The following RBFOX1 variants were observed in gnomAD, a reference collection of about 807,000 sequenced individuals.
RBFOX1 encodes RNA binding protein fox-1 homolog 1.
Under a neutral mutation model 57.7 loss-of-function variants are expected in RBFOX1, and 8 were observed. The observed-to-expected ratio is 0.14, with a 90% CI of 0.08 to 0.25. The LOEUF is 0.25. Among genes scored for constraint, RBFOX1 ranks in the 10% least tolerant of loss-of-function variants. RBFOX1 has a pLI of 1.00. For synonymous variants in RBFOX1, 326 were observed against 222.4 expected, an observed-to-expected ratio of 1.47 and a Z score of -4.15; for missense variants, 611 against 548.5, an observed-to-expected ratio of 1.11 and a Z score of -1.14.
intron 9 of RBFOX1, among the ~76,000 whole-genome samples, chr16:7,606,926 T>C (rs2095306204): frequency 6.6e-6 from 1 of 152,088 alleles, no homozygotes; most frequent in Non-Finnish European, 1.5e-5. Flanking sequence ...TGCAGAGGGG[T>C]GTGATGGATT....
chr16:7,234,439 T>C (rs745750147), intron 4 of RBFOX1, among the ~76,000 whole-genome samples: 3 of 151,998 alleles, frequency 2.0e-5, no homozygotes, highest in Non-Finnish European at 4.4e-5. Flanking sequence ...CAGTGCAAGA[T>C]GCCATCAATA....
At chr16:7,125,299 G>A (rs969136436) in intron 4 of RBFOX1, among the ~76,000 whole-genome samples, 4 of 152,088 alleles carry the variant, frequency 2.6e-5, no homozygotes, top group African/African-American at 2.4e-5. Context: ...TGTGCAGTGG[G>A]CATAGAAATC....
rs35050316 is a variant in RBFOX1, at chr16:7,533,416, T to TA, written c.270+15037dup. ...CACATACACACAGCCCTGCATTTTT[T>TA]AAAAAAAAAATCCTTTAAAATTGAG... On this transcript the variant is annotated intron_variant, in intron 5 of 15. Coordinates refer to ENST00000550418, the MANE Select transcript of RBFOX1 (RefSeq NM_018723.4). 4.7e-4 allele frequency among the ~76,000 whole-genome samples: 71 copies of TA among 150,892 alleles called. 1 individual carries two copies. The highest frequency in any genetic ancestry group is 6.3e-4 in the South Asian group (3 of 4,752).
chr16:6,961,028 A>T (rs986061234), intron 3 of RBFOX1, among the ~76,000 whole-genome samples: 2 of 151,178 alleles, frequency 1.3e-5, no homozygotes, highest in African/African-American at 4.9e-5. Flanking sequence ...ACTATAGTCC[A>T]GCTACTCAGG....
At chr16:6,931,838 CAA>C (rs2076611451) in intron 3 of RBFOX1, among the ~76,000 whole-genome samples, 1 of 152,050 alleles carries the variant, frequency 6.6e-6, no homozygotes, top group Admixed American at 6.6e-5. Context: ...TCGGAAAGTC[CAA>C]GAGCATGGCA....
chr16:6,568,096 C>T (rs879124840), intron 2 of RBFOX1, among the ~76,000 whole-genome samples: 24 of 152,150 alleles, frequency 1.6e-4, no homozygotes, highest in African/African-American at 4.1e-4. Context: ...TGCAGCTTTA[C>T]GGGTAATGAC....
chr16:7,325,155 C>T (rs905566877), intron 4 of RBFOX1, among the ~76,000 whole-genome samples: 3 of 152,192 alleles, frequency 2.0e-5, no homozygotes, highest in Non-Finnish European at 4.4e-5. Context: ...GTCACTATGA[C>T]AACTATCAAC....
chr16:5,278,874 C>T (rs1290710396), intron 1 of RBFOX1, among the ~76,000 whole-genome samples: 2 of 152,080 alleles, frequency 1.3e-5, no homozygotes, highest in Admixed American at 1.3e-4. Flanking sequence ...GTTCTTGACA[C>T]CTTTCTTGAA....
chr16:5,966,434 G>T (rs73518267), intron 4 of RBFOX1, among the ~76,000 whole-genome samples: 2,103 of 152,260 alleles, frequency 0.014, 52 homozygotes, highest in African/African-American at 0.048. Flanking sequence ...AGTGTGAGGT[G>T]AGGAGATGCC....
At chr16:6,999,697 A>T (rs1189627708) in intron 3 of RBFOX1, among the ~76,000 whole-genome samples, 1 of 152,062 alleles carries the variant, frequency 6.6e-6, no homozygotes, top group Non-Finnish European at 1.5e-5. Flanking sequence ...TATTATTATT[A>T]AATATATCAG....
chr16:7,227,233 C>G (rs977812875), intron 4 of RBFOX1, among the ~76,000 whole-genome samples: 3 of 151,358 alleles, frequency 2.0e-5, no homozygotes, highest in African/African-American at 4.8e-5. Context: ...ATGCCATGTG[C>G]TCTATCTGTA....
At chr16:5,447,508 C>T (rs1362570118) in intron 1 of RBFOX1, among the ~76,000 whole-genome samples, 1 of 152,052 alleles carries the variant, frequency 6.6e-6, no homozygotes, top group Non-Finnish European at 1.5e-5. Context: ...AGTGGTTCTC[C>T]TGCCTCAGCC....
At chr16:6,480,820 C>G (rs1189549947) in intron 2 of RBFOX1, among the ~76,000 whole-genome samples, 1 of 151,956 alleles carries the variant, frequency 6.6e-6, no homozygotes, top group Admixed American at 6.6e-5. Context: ...ATTTCTGTTC[C>G]TACATATTCA....
intron 3 of RBFOX1, among the ~76,000 whole-genome samples, chr16:6,662,836 C>T (rs1015656085): frequency 1.3e-5 from 2 of 152,154 alleles, no homozygotes; most frequent in African/African-American, 2.4e-5. Flanking sequence ...TCTGCTCTTT[C>T]TGTTTACTTC....
chr16:6,787,750 C>G (rs73530760), intron 3 of RBFOX1, among the ~76,000 whole-genome samples: 119 of 152,300 alleles, frequency 7.8e-4, no homozygotes, highest in African/African-American at 2.8e-3. Context: ...CTTCTGCTGG[C>G]TTAATCCCCA....
intron 4 of RBFOX1, among the ~76,000 whole-genome samples, chr16:5,870,250 G>A (rs1390858532): frequency 1.3e-5 from 2 of 151,318 alleles, no homozygotes; most frequent in Non-Finnish European, 2.9e-5. Context: ...GGGGCAGAAA[G>A]GGACCTAATG....
In RBFOX1 at chr16:6,366,811, C is replaced by T. The variant is rs116343705; in HGVS notation, c.-64+49754C>T. 3.9e-3 allele frequency among the ~76,000 whole-genome samples: 600 copies of T among 152,260 alleles called. 9 individuals are homozygous for T. Among genetic ancestry groups the T allele is most frequent in the African/African-American group, 0.014 (568 of 41,544 alleles). ...CAGAGCCAAAATTAGGCACCAGTGT[C>T]TTTTGGTGTCAGGAATCTCTGCTTT... On this transcript the variant is annotated intron_variant, in intron 2 of 15. Transcript: ENST00000550418.
intron 14 of RBFOX1, among the ~76,000 whole-genome samples, chr16:7,702,340 C>A (rs4786185): frequency 2.0e-5 from 3 of 152,054 alleles, no homozygotes; most frequent in African/African-American, 4.8e-5. Flanking sequence ...CTTTTGTCTC[C>A]ATTCTGACCC....
At chr16:6,488,608 G>A (rs2095557830) in intron 2 of RBFOX1, among the ~76,000 whole-genome samples, 2 of 152,134 alleles carry the variant, frequency 1.3e-5, no homozygotes, top group South Asian at 2.1e-4. Context: ...ATTCCAATAT[G>A]CTAAGATACC....
Sources: gnomAD v4.1 joint callset for allele counts (sites outside exome capture counted in the v4.1 genomes callset) on GRCh38, gnomAD v4.1.1 for gene constraint, MANE v1.5 for transcripts, NCBI Gene and HGNC (gene_info 2026-07-23, HGNC 2026-07-21) for gene names.